The following NAT1 variants were observed in gnomAD, a reference collection of about 807,000 sequenced individuals.
NAT1 encodes N-acetyltransferase 1, also known as arylamine N-acetyltransferase 1.
For missense variants in NAT1, 400 were observed against 339.2 expected (o/e 1.18, Z -1.41); for synonymous variants, 144 against 122.6 (o/e 1.17, Z -1.16).
intron 2 of NAT1, among the ~76,000 whole-genome samples, chr8:18,199,423 T>A (rs1262866426): frequency 6.6e-6 from 1 of 152,072 alleles, no homozygotes; most frequent in African/African-American, 2.4e-5. Flanking sequence ...TGTTCTTCCT[T>A]CCTTTTGCCA....
rs1348765008 is a variant in NAT1 at position 18,210,147 on chromosome 8, A to C, written c.-119A>C. On this transcript the variant is annotated 5_prime_UTR_variant, in exon 1 of 3. Transcript: ENST00000307719. ...CCTTGGATGTGGGAGGATTGCATTC[A>C]GTCTAGTTCCTGGTTGCCGGCTGAA... The C allele has an allele frequency of 1.3e-5, 2 of 152,230 alleles. No homozygotes were observed. Among genetic ancestry groups the C allele is most frequent in the Non-Finnish European group, 2.9e-5 (2 of 68,086 alleles). 9.4% of individuals were successfully genotyped at this position (152,230 alleles called of 1,614,324 possible). A position where few individuals can be genotyped will look rare whatever the true frequency, so the allele number is the denominator to read the frequency against.
In NAT1 at chr8:18,203,583, T is replaced by G. The variant is rs114234973; in HGVS notation, n.93-6198T>G. ...ATGGCCACAGTGAGGCCTGGGGACA[T>G]TTGTGGAGTTCTCACTGGCCCAGTT... On this transcript the variant is annotated intron_variant and non_coding_transcript_variant, in intron 2 of 4. Coordinates refer to the NAT1 transcript ENST00000517441. Among the ~76,000 whole-genome samples, 830 of 152,302 alleles carry G rather than the reference T, an allele frequency of 5.4e-3. 9 individuals are homozygous for G. The highest frequency in any genetic ancestry group is 0.019 in the African/African-American group (808 of 41,582).
At chr8:18,186,399 G>T (rs1161834096) in intron 2 of NAT1, among the ~76,000 whole-genome samples, 1 of 152,060 alleles carries the variant, frequency 6.6e-6, no homozygotes. Flanking sequence ...TACTGGTGTA[G>T]GTACACCATC....
intron 2 of NAT1, among the ~76,000 whole-genome samples, chr8:18,192,204 G>A (rs1171080399): frequency 6.6e-6 from 1 of 152,006 alleles, no homozygotes; most frequent in African/African-American, 2.4e-5. Flanking sequence ...CTTCTCAAAA[G>A]AAGACATTTA....
intron 1 of NAT1, among the ~76,000 whole-genome samples, chr8:18,214,858 G>A (rs1804474198): frequency 6.6e-6 from 1 of 152,040 alleles, no homozygotes; most frequent in Admixed American, 6.6e-5. Context: ...CCTGTGAAAG[G>A]CCCCAGTGTG....
chr8:18,208,635 C>A (rs963862150), upstream of NAT1, among the ~76,000 whole-genome samples: 1 of 152,166 alleles, frequency 6.6e-6, no homozygotes, highest in Non-Finnish European at 1.5e-5. Flanking sequence ...CGAGCCCAGG[C>A]GGCACAGTGT....
chr8:18,194,097 T>C (rs1239318753), intron 2 of NAT1, among the ~76,000 whole-genome samples: 3 of 152,130 alleles, frequency 2.0e-5, no homozygotes, highest in East Asian at 3.9e-4. Flanking sequence ...TGGGGTATGA[T>C]TAGGGCTGAA....
chr8:18,212,628 T>C (rs1804214658), intron 1 of NAT1: 1 of 152,264 alleles, frequency 6.6e-6, no homozygotes, highest in Non-Finnish European at 1.5e-5. Context: ...CTGGCACCTC[T>C]TGCTCTCTGC....
In NAT1 at chr8:18,213,576, T is replaced by C. The variant is rs191938891; in HGVS notation, c.-86+3396T>C. On this transcript the variant is annotated intron_variant, in intron 1 of 2. Transcript: ENST00000307719. ...ACCAACCAAATAGCTTTTCTTTGTCTCACTCCTGCAAACATTTTATAAAAG... is the reference window on the plus strand; with the variant it reads ...ACCAACCAAATAGCTTTTCTTTGTCCCACTCCTGCAAACATTTTATAAAAG... Among the ~76,000 whole-genome samples the C allele has an allele frequency of 1.8e-4, 27 of 152,276 alleles. 1 individual carries two copies. The highest frequency in any genetic ancestry group is 6.3e-4 in the African/African-American group (26 of 41,578).
At chr8:18,201,385 G>C (rs1803457605) in intron 2 of NAT1, among the ~76,000 whole-genome samples, 1 of 152,140 alleles carries the variant, frequency 6.6e-6, no homozygotes, top group South Asian at 2.1e-4. Context: ...TCATTCGGAA[G>C]GGAAGAGAAG....
At chr8:18,187,834 G>A (rs946619186) in intron 2 of NAT1, among the ~76,000 whole-genome samples, 4 of 151,790 alleles carry the variant, frequency 2.6e-5, no homozygotes, top group Non-Finnish European at 4.4e-5. Flanking sequence ...ACAAACCTGC[G>A]CATATGCCCC....
At chr8:18,172,805 C>G (rs1277732177) in intron 2 of NAT1, among the ~76,000 whole-genome samples, 1 of 152,136 alleles carries the variant, frequency 6.6e-6, no homozygotes, top group Non-Finnish European at 1.5e-5. Flanking sequence ...GAGACATTGA[C>G]TTCAATTTAA....
chr8:18,176,198 G>T (rs1249595050), intron 2 of NAT1, among the ~76,000 whole-genome samples: 12 of 152,050 alleles, frequency 7.9e-5, no homozygotes, highest in Non-Finnish European at 2.9e-5. Context: ...CCGTGCAGAA[G>T]TTTCTGAGTT....
At chr8:18,215,099 T>C (rs1804500517) in intron 1 of NAT1, among the ~76,000 whole-genome samples, 1 of 152,210 alleles carries the variant, frequency 6.6e-6, no homozygotes, top group African/African-American at 2.4e-5. Context: ...TGATGGGCAT[T>C]TAGGTTGATT....
chr8:18,222,230 A>G lies in NAT1; in HGVS notation c.183A>G (p.Arg61=). Residue 61 remains arginine, a synonymous_variant, in exon 3 of 3, where the codon AGA becomes AGG. Transcript: ENST00000307719. ...GLEAIFDQVV[R]RNRGGWCLQV... ...AGGCCATTTTTGATCAAGTTGTGAG[A>G]AGAAATCGGGGTGGATGGTGTCTCC... The G allele has an allele frequency of 1.9e-6, 3 of 1,614,116 alleles. No individual in the cohort carries two copies. Among genetic ancestry groups the G allele is most frequent in the Non-Finnish European group, 2.5e-6 (3 of 1,180,008 alleles).
At chr8:18,195,725 TC>T (rs1176371568) in intron 2 of NAT1, among the ~76,000 whole-genome samples, 1 of 152,148 alleles carries the variant, frequency 6.6e-6, no homozygotes, top group Admixed American at 6.6e-5. Flanking sequence ...GTGTGGTCTG[TC>T]CTCCTGAGCT....
intron 2 of NAT1, among the ~76,000 whole-genome samples, chr8:18,203,550 C>G (rs915747047): frequency 1.3e-5 from 2 of 152,152 alleles, no homozygotes; most frequent in African/African-American, 2.4e-5. Context: ...ATTTCAGGCT[C>G]TAAACAAATG....
rs146859589 is a variant in NAT1 at position 18,217,135 on chromosome 8, C to T, written c.-85-2276C>T. On this transcript the variant is annotated intron_variant, in intron 1 of 2. Coordinates refer to ENST00000307719, the MANE Select transcript of NAT1 (RefSeq NM_000662.8). ...TAACTGGTTTTCCCTCTGGAGTCCC[C>T]ATGATGAGATCAGGTTGTTCATTTT... 1.3e-3 allele frequency: 769 copies of T among 602,564 alleles called. 11 individuals carry two copies. In the East Asian group the frequency reaches 0.019, roughly 15 times the overall value. The allele number at this position is 602,564 out of a possible 1,614,324, so 37.3% of individuals were successfully genotyped here. A position where few individuals can be genotyped will look rare whatever the true frequency, so the allele number is the denominator to read the frequency against.
intron 2 of NAT1, among the ~76,000 whole-genome samples, chr8:18,180,493 A>C (rs990907993): frequency 3.3e-5 from 5 of 152,140 alleles, no homozygotes; most frequent in Admixed American, 6.5e-5. Flanking sequence ...TATGTTCATT[A>C]GGAATGTTTG....
Sources: gnomAD v4.1 joint callset for allele counts (sites outside exome capture counted in the v4.1 genomes callset) on GRCh38, gnomAD v4.1.1 for gene constraint, MANE v1.5 for transcripts, NCBI Gene and HGNC (gene_info 2026-07-23, HGNC 2026-07-21) for gene names.